The following SLC38A3 variants were observed in gnomAD, a reference collection of about 807,000 sequenced individuals.
The protein encoded by SLC38A3 is solute carrier family 38 member 3, also known as sodium-coupled neutral amino acid transporter 3.
In SLC38A3, 17 loss-of-function variants were observed where a neutral mutation model predicts 59.5. That is an observed-to-expected ratio of 0.29 (90% CI 0.20 to 0.43). The LOEUF is 0.43. Ranked by LOEUF, SLC38A3 falls within the 20% of genes least tolerant of loss-of-function variation. The probability of loss-of-function intolerance (pLI) is 1.00; values close to 1 mark genes in which losing one functional copy is unlikely to be tolerated. For missense variants in SLC38A3, 454 were observed against 653.9 expected (o/e 0.69, Z 3.33); for synonymous variants, 238 against 260.3 (o/e 0.91, Z 0.82).
In SLC38A3 at chr3:50,219,991, G is replaced by A. The variant is rs765064940; in HGVS notation, c.1410+7G>A. 8.7e-6 allele frequency: 14 copies of A among 1,609,714 alleles called. No individual in the cohort carries two copies. The highest frequency in any genetic ancestry group is 1.2e-5 in the Non-Finnish European group (14 of 1,177,882). ...ATCCACCCCCAAAATCCTGGTGCGA[G>A]GGGCCTGGAGGCCGGTGGGCTGGTA... On this transcript the variant is annotated splice_region_variant and intron_variant, in intron 15 of 15. Transcript: ENST00000614032.
Position 50,215,612 on chromosome 3 carries a change from G to T in SLC38A3, c.442G>T (p.Ala148Ser), listed in dbSNP as rs770070830. Residue 148 changes from alanine to serine, a missense_variant, in exon 6 of 16, where the codon GCC becomes TCC. Transcript: ENST00000614032. This position sits in a 1 kb window ranked among gnomAD's most constrained non-coding sequence, Gnocchi z 7.1. ...CCCAGGAAAGCTGGCAGCAGCCCTG[G>T]CCATCACGCTCCAGAACATCGGAGG... ...GTPGKLAAAL[A>S]ITLQNIGAMS... The T allele has an allele frequency of 2.5e-6, 4 of 1,613,724 alleles. No individual in the cohort carries two copies. The highest frequency in any genetic ancestry group is 3.4e-6 in the Non-Finnish European group (4 of 1,179,866).
chr3:50,208,477 G>A (rs1699676540), intron 1 of SLC38A3, among the ~76,000 whole-genome samples: 1 of 152,022 alleles, frequency 6.6e-6, no homozygotes, highest in South Asian at 2.1e-4. Flanking sequence ...TGGCCAGGCT[G>A]GTCTCAAACT....
chr3:50,211,133 C>CAATGGG (rs929938804), intron 1 of SLC38A3, among the ~76,000 whole-genome samples: 2 of 152,236 alleles, frequency 1.3e-5, no homozygotes, highest in Non-Finnish European at 2.9e-5. Context: ...GCTCTGCTGG[C>CAATGGG]AGCCTTTCTT....
chr3:50,215,275 A>C lies in SLC38A3; in HGVS notation c.300-111A>C. 1.1e-6 allele frequency: 1 copy of C among 902,466 alleles called. No individual in the cohort carries two copies. The highest frequency in any genetic ancestry group is 1.8e-6 in the Non-Finnish European group (1 of 554,466). The allele number at this position is 902,466 out of a possible 1,614,324, so 55.9% of individuals were successfully genotyped here. ...ATCCATACCTGTTGGGAGTCCAGAC[A>C]CCCAGGTCACAGACCCTCCACCCCC... On this transcript the variant is annotated intron_variant, in intron 4 of 15. Coordinates refer to ENST00000614032, the MANE Select transcript of SLC38A3 (RefSeq NM_006841.6). The surrounding 1 kb of genome is among the most constrained non-coding windows in gnomAD (Gnocchi z 7.1).
rs1214639905 is a variant in SLC38A3, at chr3:50,217,617, T to C, written c.691-59T>C. ...TCCTGATCTAGATGTGGCTTCATGG[T>C]GACTTCCCAGGCAGTCCAGCCTGGG... On this transcript the variant is annotated intron_variant, in intron 9 of 15. Transcript: ENST00000614032. The surrounding 1 kb of genome is among the most constrained non-coding windows in gnomAD (Gnocchi z 4.9). 6.2e-7 allele frequency: 1 copy of C among 1,600,196 alleles called. No homozygotes were observed. Among genetic ancestry groups the C allele is most frequent in the African/African-American group, 1.3e-5 (1 of 74,250 alleles).
rs765148889 is a variant in SLC38A3, at chr3:50,211,568, CTT to C, written c.-51-2555_-51-2554del. Among the ~76,000 whole-genome samples the C allele has an allele frequency of 4.1e-3, 335 of 81,170 alleles. 1 individual carries two copies. Among genetic ancestry groups the C allele is most frequent in the Middle Eastern group, 0.01 (1 of 100 alleles). The allele number at this position is 81,170 out of a possible 152,430, so 53.3% of individuals were successfully genotyped here. A position where few individuals can be genotyped will look rare whatever the true frequency, so the allele number is the denominator to read the frequency against. On this transcript the variant is annotated intron_variant, in intron 1 of 15. Transcript: ENST00000614032. Reference sequence around the variant, plus strand: ...GGAAGTCTTCCTTGATGCCCCCATCCTTTTTTTTTTTTTTTTTTTTTTTTTTT... The same window carrying C: ...GGAAGTCTTCCTTGATGCCCCCATCCTTTTTTTTTTTTTTTTTTTTTTTTT...
intron 1 of SLC38A3, among the ~76,000 whole-genome samples, chr3:50,213,364 A>C (rs548268396): frequency 4.9e-4 from 74 of 152,300 alleles, no homozygotes; most frequent in African/African-American, 1.7e-3. Context: ...CCCTGAGGCC[A>C]GGACTGTGTG....
chr3:50,208,869 GTCTA>G (rs1474248687), intron 1 of SLC38A3, among the ~76,000 whole-genome samples: 15 of 152,284 alleles, frequency 9.9e-5, no homozygotes, highest in African/African-American at 3.1e-4. Context: ...CTCTGTCCCT[GTCTA>G]TCTCTCTTCC....
rs1699846480 is a variant in SLC38A3 at position 50,218,145 on chromosome 3, CAAG to C, written c.936-121_936-119del. On this transcript the variant is annotated intron_variant, in intron 11 of 15. Coordinates refer to ENST00000614032, the MANE Select transcript of SLC38A3 (RefSeq NM_006841.6). The surrounding 1 kb of genome is among the most constrained non-coding windows in gnomAD (Gnocchi z 5.8). ...GGCAGCCATGAGAGGTGATTATGAG[CAAG>C]AAGGAGACTCCCTCAGATGCTGAAT... 1 of 1,058,884 alleles carries C rather than the reference CAAG, an allele frequency of 9.4e-7. No homozygotes were observed. The highest frequency in any genetic ancestry group is 2.5e-5 in the East Asian group (1 of 40,462). 65.6% of individuals were successfully genotyped at this position (1,058,884 alleles called of 1,614,324 possible).
chr3:50,214,830 TC>T lies in SLC38A3; in HGVS notation c.299+65del. On this transcript the variant is annotated intron_variant, in intron 4 of 15. Coordinates refer to ENST00000614032, the MANE Select transcript of SLC38A3 (RefSeq NM_006841.6). The surrounding 1 kb of genome is among the most constrained non-coding windows in gnomAD (Gnocchi z 6.0). Reference sequence around the variant, plus strand: ...CCTAAGCAAGCCACCAATCATGACCTCCCAGGACCCGCCAGTTCCCTGTCCC... The same window carrying T: ...CCTAAGCAAGCCACCAATCATGACCTCCAGGACCCGCCAGTTCCCTGTCCC... 1 of 1,087,102 alleles carries T rather than the reference TC, an allele frequency of 9.2e-7. No individual in the cohort carries two copies. The highest frequency in any genetic ancestry group is 1.4e-6 in the Non-Finnish European group (1 of 730,252). 67.3% of individuals were successfully genotyped at this position (1,087,102 alleles called of 1,614,324 possible). A position where few individuals can be genotyped will look rare whatever the true frequency, so the allele number is the denominator to read the frequency against.
intron 1 of SLC38A3, among the ~76,000 whole-genome samples, chr3:50,213,607 C>A (rs964598974): frequency 6.6e-6 from 1 of 152,224 alleles, no homozygotes; most frequent in Non-Finnish European, 1.5e-5. Flanking sequence ...CAGTGCCCGC[C>A]GGGCGGCTGG....
chr3:50,210,573 G>A (rs1321541343), intron 1 of SLC38A3, among the ~76,000 whole-genome samples: 1 of 152,232 alleles, frequency 6.6e-6, no homozygotes, highest in African/African-American at 2.4e-5. Context: ...TGATCCCTGG[G>A]CAGAGAGCTG....
rs1192022804 is a variant in SLC38A3, at chr3:50,217,737, G to C, written c.752G>C (p.Gly251Ala). 1 of 1,613,622 alleles carries C rather than the reference G, an allele frequency of 6.2e-7. No individual in the cohort carries two copies. The highest frequency in any genetic ancestry group is 1.3e-5 in the African/African-American group (1 of 75,014). Residue 251 changes from glycine (G) to alanine (A), a missense_variant, in exon 10 of 16, where the codon GGC (glycine) becomes GCC (alanine). Around this residue, in one of 3 missense-constraint regions of SLC38A3, gnomAD observed 390 missense variants for 557.9 expected, o/e 0.70. Transcript: ENST00000614032. This position sits in a 1 kb window ranked among gnomAD's most constrained non-coding sequence, Gnocchi z 4.9. ...PLPPNFNNTT[G>A]NFSHVEIVKE... ...CCCCCCAACTTCAACAACACCACAG[G>C]CAACTTCAGCCACGTGGAGATCGTG...
chr3:50,214,956 C>T lies in SLC38A3; in HGVS notation c.299+188C>T, dbSNP rs587609271. On this transcript the variant is annotated intron_variant, in intron 4 of 15. Transcript: ENST00000614032. The surrounding 1 kb of genome is among the most constrained non-coding windows in gnomAD (Gnocchi z 6.0). ...AAATATACCTCACTGCCCAGTAAAC[C>T]GACTGAGGTCACAACACAGGCCGGT... 35 of 613,646 alleles carry T rather than the reference C, an allele frequency of 5.7e-5. No individual in the cohort carries two copies. The highest frequency in any genetic ancestry group is 3.5e-4 in the South Asian group (18 of 51,408). The allele number at this position is 613,646 out of a possible 1,614,324, so 38.0% of individuals were successfully genotyped here.
Position 50,220,191 on chromosome 3 carries a change from C to G in SLC38A3, c.*14C>G. On this transcript the variant is annotated 3_prime_UTR_variant, in exon 16 of 16. Coordinates refer to ENST00000614032, the MANE Select transcript of SLC38A3 (RefSeq NM_006841.6). ...GGAAACCACTAGGGTGACCCTCATC[C>G]TGTTCTGTCTACTCACCCTAGCAGC... is the stretch of plus-strand genomic sequence containing the variant. The G allele has an allele frequency of 6.4e-7, 1 of 1,556,806 alleles. No homozygotes were observed.
chr3:50,213,284 G>A (rs1699759238), intron 1 of SLC38A3, among the ~76,000 whole-genome samples: 1 of 152,158 alleles, frequency 6.6e-6, no homozygotes, highest in Non-Finnish European at 1.5e-5. Context: ...GTCCACTCCT[G>A]GACAGCGGGC....
intron 1 of SLC38A3, among the ~76,000 whole-genome samples, chr3:50,211,841 G>A (rs1347440001): frequency 6.6e-6 from 1 of 151,926 alleles, no homozygotes; most frequent in Non-Finnish European, 1.5e-5. Context: ...GCTCTCCTCG[G>A]CCTCCCAAAG....
chr3:50,206,646 C>T (rs1699651734), intron 1 of SLC38A3, among the ~76,000 whole-genome samples: 1 of 152,172 alleles, frequency 6.6e-6, no homozygotes, highest in Non-Finnish European at 1.5e-5. Flanking sequence ...AAGCCTGGCA[C>T]GTCTCTGAGA....
intron 1 of SLC38A3, among the ~76,000 whole-genome samples, chr3:50,210,674 G>A (rs1699712248): frequency 6.6e-6 from 1 of 152,318 alleles, no homozygotes; most frequent in African/African-American, 2.4e-5. Context: ...AACACCTGCC[G>A]AGGTGTGCCT....
Sources: allele counts gnomAD v4.1 joint callset (sites outside exome capture counted in the v4.1 genomes callset), GRCh38; gene constraint gnomAD v4.1.1; regional missense constraint gnomAD v4.1.1; non-coding constraint Gnocchi (gnomAD v3.1); transcripts MANE v1.5; gene names NCBI Gene and HGNC (gene_info 2026-07-23, HGNC 2026-07-21).